USPL1: variants seen among roughly 807,000 people sequenced by gnomAD.
USPL1 encodes ubiquitin specific peptidase like 1, also known as SUMO-specific isopeptidase USPL1.
USPL1 carries 27 observed loss-of-function variants against 51.5 expected under a neutral mutation model. The observed-to-expected ratio is 0.52, with a 90% CI of 0.39 to 0.72. The LOEUF (loss-of-function observed/expected upper bound fraction) is 0.72, where lower values mean the gene tolerates loss of function less well. USPL1 is among the 30% of genes least tolerant of loss of function. The pLI, the probability that USPL1 is intolerant of heterozygous loss-of-function variation, is 0.00. For missense variants in USPL1, 1,226 were observed against 1,268.0 expected (o/e 0.97, Z 0.50); for synonymous variants, 451 against 459.6 (o/e 0.98, Z 0.24).
rs761917561 is a variant in USPL1 at position 30,659,810 on chromosome 13, A to C, written c.*454A>C. The stretch of plus-strand genomic sequence containing the variant: ...TATGCAGACAAATGAAGGGTGAAGA[A>C]GAAGAAGAGGAGCTTTATTTAGTGT... On this transcript the variant is annotated 3_prime_UTR_variant, in exon 9 of 9. Transcript: ENST00000255304. 2.5e-4 allele frequency: 40 copies of C among 158,270 alleles called. No individual in the cohort carries two copies. The highest frequency in any genetic ancestry group is 3.8e-4 in the Admixed American group (6 of 15,722). The allele number at this position is 158,270 out of a possible 1,614,324, so 9.8% of individuals were successfully genotyped here.
chr13:30,643,060 G>C (rs930772464), intron 6 of USPL1, among the ~76,000 whole-genome samples: 1 of 152,100 alleles, frequency 6.6e-6, no homozygotes, highest in African/African-American at 2.4e-5. Flanking sequence ...GAGGGGTTTT[G>C]CTTGTTTACT....
At chr13:30,644,774 A>G (rs558768867) in intron 6 of USPL1, among the ~76,000 whole-genome samples, 9 of 152,346 alleles carry the variant, frequency 5.9e-5, no homozygotes, top group African/African-American at 2.2e-4. Flanking sequence ...CTCTGATGTA[A>G]AAATTGGGTC....
chr13:30,618,963 A>G (rs1950610351), intron 1 of USPL1, among the ~76,000 whole-genome samples: 1 of 152,158 alleles, frequency 6.6e-6, no homozygotes, highest in Admixed American at 6.5e-5. Context: ...ATGGAAGGGA[A>G]AGAGGTAGAG....
chr13:30,631,183 G>C lies in USPL1; in HGVS notation c.577G>C (p.Val193Leu), dbSNP rs911379832. Residue 193 changes from valine (V) to leucine (L), a missense_variant, in exon 4 of 9, where the codon GTC becomes CTC. Transcript: ENST00000255304. ...ATTKDPATVDVSGTGRPSPQN... is the reference protein window; with the variant it reads ...ATTKDPATVDLSGTGRPSPQN... Reference sequence around the variant, plus strand: ...TACAAAAGATCCTGCTACAGTTGATGTCTCTGGAACTGGCAGACCTTCCCC... The same window carrying C: ...TACAAAAGATCCTGCTACAGTTGATCTCTCTGGAACTGGCAGACCTTCCCC... 6.2e-7 allele frequency: 1 copy of C among 1,614,184 alleles called. No homozygotes were observed. Among genetic ancestry groups the C allele is most frequent in the Non-Finnish European group, 8.5e-7 (1 of 1,180,028 alleles).
chr13:30,631,632 C>T (rs1950807675), intron 4 of USPL1, among the ~76,000 whole-genome samples, 158 bp downstream of exon 4: 1 of 152,136 alleles, frequency 6.6e-6, no homozygotes, highest in Non-Finnish European at 1.5e-5. Context: ...TCCCAAGTAG[C>T]TGGAACTACA....
chr13:30,636,875 CACAA>C (rs1362033184), intron 4 of USPL1, among the ~76,000 whole-genome samples: 1 of 152,158 alleles, frequency 6.6e-6, no homozygotes, highest in East Asian at 1.9e-4. Flanking sequence ...TCTCCAAACA[CACAA>C]ACACACACAC....
rs1404973771 is a variant in USPL1 at position 30,631,335 on chromosome 13, A to G, written c.729A>G (p.Ser243=). Residue 243 remains serine (S), a synonymous_variant, in exon 4 of 9, where the codon TCA becomes TCG. Coordinates refer to ENST00000255304, the MANE Select transcript of USPL1 (RefSeq NM_005800.5). ...TCTGTTGGTTAGACTGTATCCTGTC[A>G]GCTTTGGTGCACTCGGAAGAGTTAA... The part of the protein sequence containing the change: ...YALCWLDCIL[S]ALVHSEELKN... The G allele has an allele frequency of 1.2e-6, 2 of 1,614,214 alleles. No homozygotes were observed. The highest frequency in any genetic ancestry group is 2.2e-5 in the South Asian group (2 of 91,082).
At chr13:30,652,668 G>A (rs550929911) in intron 7 of USPL1, among the ~76,000 whole-genome samples, 19 of 152,276 alleles carry the variant, frequency 1.2e-4, no homozygotes, top group Non-Finnish European at 2.8e-4. Context: ...TTTGCTTCCT[G>A]AGGTAACTGA....
At chr13:30,633,263 T>G (rs181730573) in intron 4 of USPL1, among the ~76,000 whole-genome samples, 187 of 152,328 alleles carry the variant, frequency 1.2e-3, no homozygotes, top group Admixed American at 5.5e-3. Context: ...AGTTTTAATC[T>G]TACTATGCCT....
chr13:30,623,374 G>A (rs1433934792), intron 3 of USPL1, among the ~76,000 whole-genome samples: 1 of 152,158 alleles, frequency 6.6e-6, no homozygotes, highest in African/African-American at 2.4e-5. Context: ...TACTATGGGT[G>A]AAACCAGGAA....
intron 3 of USPL1, among the ~76,000 whole-genome samples, chr13:30,624,537 C>T (rs1950686034): frequency 6.6e-6 from 1 of 152,136 alleles, no homozygotes; most frequent in Non-Finnish European, 1.5e-5. Context: ...GTGCACGGCA[C>T]CATGCCCAGG....
Position 30,621,762 on chromosome 13 carries a change from A to G in USPL1, c.100-2A>G. On this transcript the variant is annotated splice_acceptor_variant, in intron 2 of 8. Transcript: ENST00000255304. LOFTEE classifies it high-confidence loss of function. ...TTTTAATTTGCTTTATTTCTCTTTT[A>G]GAATTTTGATTCAGCTAAAGTTCCA... is the stretch of plus-strand genomic sequence containing the variant. 1 of 1,494,954 alleles carries G rather than the reference A, an allele frequency of 6.7e-7. No individual in the cohort carries two copies. Among genetic ancestry groups the G allele is most frequent in the South Asian group, 1.4e-5 (1 of 70,178 alleles). 92.6% of individuals were successfully genotyped at this position (1,494,954 alleles called of 1,614,324 possible). A position where few individuals can be genotyped will look rare whatever the true frequency, so the allele number is the denominator to read the frequency against.
rs202200438 is a variant in USPL1, at chr13:30,637,785, A to G, written c.910A>G (p.Ile304Val). Residue 304 changes from isoleucine to valine, a missense_variant, in exon 5 of 9, where the codon ATA (isoleucine) becomes GTA (valine). Ile to Val is a conservative substitution (Grantham distance 29). Coordinates refer to ENST00000255304, the MANE Select transcript of USPL1 (RefSeq NM_005800.5). ...KKLTSEIFAE[I>V]ETCLNEVRDE... is the part of the protein sequence containing the mutation. ...ACTTACCTCAGAAATATTTGCAGAGATAGAGACCTGTCTGAATGAAGTTAG... is the reference window on the plus strand; with the variant it reads ...ACTTACCTCAGAAATATTTGCAGAGGTAGAGACCTGTCTGAATGAAGTTAG... 204 of 1,613,666 alleles carry G rather than the reference A, an allele frequency of 1.3e-4. 3 individuals carry two copies. In the East Asian group the frequency reaches 2.4e-3, roughly 19 times the overall value.
chr13:30,631,576 T>C, intron 4 of USPL1, 102 bp downstream of exon 4: 2 of 1,207,868 alleles, frequency 1.7e-6, no homozygotes, highest in Non-Finnish European at 2.2e-6. Context: ...TCATGTCTCC[T>C]TGCAGCCTTG....
chr13:30,645,801 T>A (rs151336797), intron 6 of USPL1, among the ~76,000 whole-genome samples: 1 of 152,328 alleles, frequency 6.6e-6, no homozygotes, highest in Non-Finnish European at 1.5e-5. Context: ...TATGTGTCAC[T>A]TTCCCCATCT....
chr13:30,624,189 G>T (rs968999894), intron 3 of USPL1, among the ~76,000 whole-genome samples: 5 of 152,110 alleles, frequency 3.3e-5, no homozygotes, highest in Admixed American at 3.3e-4. Context: ...ATACCCATTT[G>T]GTGTCCTCTG....
At chr13:30,626,746 A>G (rs926539087) in intron 3 of USPL1, among the ~76,000 whole-genome samples, 2 of 152,082 alleles carry the variant, frequency 1.3e-5, no homozygotes, top group Non-Finnish European at 2.9e-5. Context: ...CCAAAATTAT[A>G]CCAAATTGAA....
At chr13:30,647,356 G>A (rs927715899) in intron 7 of USPL1, among the ~76,000 whole-genome samples, 6 of 152,008 alleles carry the variant, frequency 3.9e-5, no homozygotes, top group African/African-American at 1.5e-4. Context: ...CCTCTGCCAA[G>A]TGTATGGAGT....
At chr13:30,618,397 T>C (rs1950598644) in intron 1 of USPL1, among the ~76,000 whole-genome samples, 1 of 152,074 alleles carries the variant, frequency 6.6e-6, no homozygotes, top group Admixed American at 6.6e-5. Flanking sequence ...CAGTTGGGTT[T>C]GGTACCTGAC....
Sources: gnomAD v4.1 joint callset for allele counts (sites outside exome capture counted in the v4.1 genomes callset) on GRCh38, gnomAD v4.1.1 for gene constraint, MANE v1.5 for transcripts, NCBI Gene and HGNC (gene_info 2026-07-23, HGNC 2026-07-21) for gene names.